The following GRID2 variants were observed in gnomAD, a reference collection of about 807,000 sequenced individuals.
GRID2 encodes glutamate ionotropic receptor delta type subunit 2, also known as glutamate receptor ionotropic, delta-2.
Under a neutral mutation model 114.8 loss-of-function variants are expected in GRID2, and 33 were observed. The observed-to-expected ratio is 0.29, with a 90% CI of 0.22 to 0.38. The LOEUF (loss-of-function observed/expected upper bound fraction) is 0.38, where lower values mean the gene tolerates loss of function less well. GRID2 is among the 10% of genes least tolerant of loss of function. The probability of loss-of-function intolerance (pLI) is 1.00; values close to 1 mark genes in which losing one functional copy is unlikely to be tolerated. For missense variants in GRID2, 1,184 were observed against 1,257.7 expected (o/e 0.94, Z 0.89); for synonymous variants, 505 against 449.9 (o/e 1.12, Z -1.55).
At chr4:92,779,368 A>G (rs1261224330) in intron 2 of GRID2, among the ~76,000 whole-genome samples, 1 of 152,118 alleles carries the variant, frequency 6.6e-6, no homozygotes, top group African/African-American at 2.4e-5. Flanking sequence ...TATGTAAATA[A>G]TATTTTGAAT....
chr4:93,508,013 T>TG (rs1284934662), intron 12 of GRID2, among the ~76,000 whole-genome samples: 2 of 150,354 alleles, frequency 1.3e-5, no homozygotes, highest in Admixed American at 6.6e-5. Context: ...TGCTGTGGGG[T>TG]GGGGGAATTG....
At chr4:92,644,484 T>G (rs1731515049) in intron 2 of GRID2, among the ~76,000 whole-genome samples, 1 of 151,726 alleles carries the variant, frequency 6.6e-6, no homozygotes, top group Middle Eastern at 3.2e-3. Flanking sequence ...TCAGCTCTTA[T>G]ATTTGCCAGC....
At chr4:93,445,401 T>C (rs1051891689) in intron 10 of GRID2, among the ~76,000 whole-genome samples, 3 of 152,056 alleles carry the variant, frequency 2.0e-5, no homozygotes, top group African/African-American at 7.2e-5. Context: ...TTATGTAATT[T>C]GACCCTTTAA....
At chr4:93,551,437 A>G (rs753853288) in intron 13 of GRID2, among the ~76,000 whole-genome samples, 1 of 152,148 alleles carries the variant, frequency 6.6e-6, no homozygotes, top group African/African-American at 2.4e-5. Context: ...AGGCTAGCAG[A>G]AAAGGCCCTG....
intron 2 of GRID2, among the ~76,000 whole-genome samples, chr4:92,693,775 A>G (rs1044280047): frequency 2.4e-4 from 37 of 152,248 alleles, no homozygotes; most frequent in Admixed American, 2.4e-3. Context: ...TGGAACTTAA[A>G]TTATAGTTAT....
chr4:93,061,133 A>C (rs1413039265), intron 2 of GRID2, among the ~76,000 whole-genome samples: 1 of 124,200 alleles, frequency 8.1e-6, no homozygotes, highest in Admixed American at 9.0e-5. Flanking sequence ...TAAATAAATA[A>C]ATAAATAAAT....
chr4:92,695,480 T>C (rs1029604239), intron 2 of GRID2, among the ~76,000 whole-genome samples: 2 of 152,150 alleles, frequency 1.3e-5, no homozygotes, highest in South Asian at 2.1e-4. Context: ...ATCTGAATAA[T>C]TTTTACAATG....
intron 2 of GRID2, among the ~76,000 whole-genome samples, chr4:92,950,190 G>T (rs1247934894): frequency 6.6e-6 from 1 of 152,002 alleles, no homozygotes; most frequent in African/African-American, 2.4e-5. Flanking sequence ...TTCTAAAAAA[G>T]CAAAAAGTAT....
chr4:92,383,207 C>T (rs1207354682), intron 1 of GRID2, among the ~76,000 whole-genome samples: 1 of 151,984 alleles, frequency 6.6e-6, no homozygotes, highest in Non-Finnish European at 1.5e-5. Context: ...CCAGGCCCCA[C>T]CTCCAACACT....
chr4:93,248,211 C>T (rs6532389), intron 8 of GRID2, among the ~76,000 whole-genome samples: 106,012 of 151,798 alleles, frequency 0.7, 37,669 homozygotes, highest in Middle Eastern at 0.86. Flanking sequence ...AACTAATGTT[C>T]AGGACCCAGT....
intron 2 of GRID2, among the ~76,000 whole-genome samples, chr4:92,818,207 A>C (rs1324739715): frequency 6.6e-6 from 1 of 152,178 alleles, no homozygotes; most frequent in Non-Finnish European, 1.5e-5. Context: ...ACTGATAAGC[A>C]GAATAACAGT....
At chr4:93,593,674 C>T (rs1281943830) in intron 13 of GRID2, among the ~76,000 whole-genome samples, 14 of 151,958 alleles carry the variant, frequency 9.2e-5, no homozygotes, top group African/African-American at 1.9e-4. Context: ...CCATTCTCCC[C>T]ATCACTTTCA....
intron 8 of GRID2, among the ~76,000 whole-genome samples, chr4:93,253,855 C>A (rs1204189681): frequency 1.3e-5 from 2 of 152,074 alleles, no homozygotes; most frequent in Non-Finnish European, 2.9e-5. Context: ...ATGTTCATGA[C>A]ACTTAAGGTT....
chr4:92,779,262 G>T (rs540383057), intron 2 of GRID2, among the ~76,000 whole-genome samples: 1 of 151,110 alleles, frequency 6.6e-6, no homozygotes, highest in South Asian at 2.1e-4. Flanking sequence ...TCAATGTTGG[G>T]GATTAGGTTA....
At chr4:92,885,130 G>GT in intron 2 of GRID2, 1 of 302,310 alleles carries the variant, frequency 3.3e-6, no homozygotes, top group East Asian at 9.4e-5. Flanking sequence ...AAACTTGATG[G>GT]TTTTGCCTCT....
intron 14 of GRID2, among the ~76,000 whole-genome samples, chr4:93,677,871 C>T (rs139359997): frequency 0.024 from 3,706 of 152,012 alleles, 64 homozygotes; most frequent in African/African-American, 0.049. Flanking sequence ...AAAAGCAGAG[C>T]GCCTCTCCTC....
chr4:93,389,059 T>A (rs948549901), intron 8 of GRID2, among the ~76,000 whole-genome samples: 2 of 152,202 alleles, frequency 1.3e-5, no homozygotes, highest in African/African-American at 4.8e-5. Flanking sequence ...ACACTAACCT[T>A]GTCAGTTTCA....
intron 2 of GRID2, among the ~76,000 whole-genome samples, chr4:92,706,524 G>A (rs1734965474): frequency 6.6e-6 from 1 of 151,568 alleles, no homozygotes; most frequent in African/African-American, 2.4e-5. Flanking sequence ...CTCAAATAGT[G>A]GTTATCCATG....
intron 8 of GRID2, among the ~76,000 whole-genome samples, chr4:93,252,776 C>T (rs781777906): frequency 2.0e-5 from 3 of 152,064 alleles, no homozygotes; most frequent in East Asian, 1.9e-4. Flanking sequence ...TTGTAGAGAT[C>T]GTTCACTTCC....
Sources: allele counts gnomAD v4.1 joint callset (sites outside exome capture counted in the v4.1 genomes callset), GRCh38; gene constraint gnomAD v4.1.1; transcripts MANE v1.5; gene names NCBI Gene and HGNC (gene_info 2026-07-23, HGNC 2026-07-21).